SLC2A13: variants seen among roughly 807,000 people sequenced by gnomAD.
SLC2A13 encodes proton myo-inositol cotransporter.
In SLC2A13, 32 loss-of-function variants were observed where a neutral mutation model predicts 64.4. That is an observed-to-expected ratio of 0.50 (90% confidence interval 0.37 to 0.67). The LOEUF is 0.67. Ranked by LOEUF, SLC2A13 falls within the 30% of genes least tolerant of loss-of-function variation. The pLI is 0.00. For missense variants in SLC2A13, 743 were observed against 829.2 expected (o/e 0.90, Z 1.28); for synonymous variants, 338 against 327.1 (o/e 1.03, Z -0.36).
chr12:39,910,967 C>T (rs1216853123), intron 4 of SLC2A13, among the ~76,000 whole-genome samples: 1 of 151,932 alleles, frequency 6.6e-6, no homozygotes, highest in Non-Finnish European at 1.5e-5. Context: ...GCTTGTAATC[C>T]CAGCTATTCA....
At chr12:39,858,072 CAA>C (rs1345734376) in intron 6 of SLC2A13, among the ~76,000 whole-genome samples, 1 of 152,198 alleles carries the variant, frequency 6.6e-6, no homozygotes, top group Non-Finnish European at 1.5e-5. Context: ...ATGGCGAACT[CAA>C]AGAATATGTC....
chr12:39,794,449 T>C (rs1034917945), intron 7 of SLC2A13, among the ~76,000 whole-genome samples: 3 of 152,196 alleles, frequency 2.0e-5, no homozygotes, highest in Admixed American at 1.3e-4. Context: ...GGTTTCCCCA[T>C]ACATAATTAA....
chr12:40,100,179 G>T (rs1444903103), intron 1 of SLC2A13, among the ~76,000 whole-genome samples: 1 of 152,206 alleles, frequency 6.6e-6, no homozygotes. Context: ...GCTACAAATT[G>T]TGTTCAAGTA....
intron 3 of SLC2A13, among the ~76,000 whole-genome samples, chr12:39,965,989 C>T (rs1392038305): frequency 6.6e-6 from 1 of 151,848 alleles, no homozygotes; most frequent in Admixed American, 6.6e-5. Flanking sequence ...AATACTACAC[C>T]TATGGGATGC....
chr12:40,042,544 C>A (rs1044642337), intron 2 of SLC2A13, among the ~76,000 whole-genome samples: 4 of 152,006 alleles, frequency 2.6e-5, no homozygotes, highest in Admixed American at 1.3e-4. Flanking sequence ...TTTTATCTAT[C>A]TATGAAGTAT....
At chr12:39,859,330 T>C (rs1310843256) in intron 6 of SLC2A13, among the ~76,000 whole-genome samples, 1 of 110,144 alleles carries the variant, frequency 9.1e-6, no homozygotes, top group Non-Finnish European at 1.7e-5. Flanking sequence ...TTTTTTTTTT[T>C]CTGAAAAAAA....
chr12:39,916,118 T>C (rs773681004), intron 4 of SLC2A13, among the ~76,000 whole-genome samples: 2 of 151,922 alleles, frequency 1.3e-5, no homozygotes, highest in Non-Finnish European at 2.9e-5. Flanking sequence ...TTCAGAATGT[T>C]CCCAAATTGC....
rs1028066817 is a variant in SLC2A13 at position 39,757,890 on chromosome 12, G to A, written c.*2136C>T. The A allele has an allele frequency of 3.3e-5, 5 of 152,002 alleles. No homozygotes were observed. Among genetic ancestry groups the A allele is most frequent in the African/African-American group, 1.2e-4 (5 of 41,316 alleles). The allele number at this position is 152,002 out of a possible 1,614,324, so 9.4% of individuals were successfully genotyped here. A position where few individuals can be genotyped will look rare whatever the true frequency, so the allele number is the denominator to read the frequency against. On this transcript the variant is annotated 3_prime_UTR_variant, in exon 10 of 10. Transcript: ENST00000280871. ...ATATACAATAAAGAGAAGGATTGAG[G>A]CAATTATTTTGATTAAGTCCAAAAA...
rs1448667414 is a variant in SLC2A13, at chr12:39,810,393, CATTT to C, written c.1445+19706_1445+19709del. Among the ~76,000 whole-genome samples the C allele has an allele frequency of 5.3e-5, 8 of 152,148 alleles. No homozygotes were observed. In the South Asian group the frequency reaches 1.0e-3, roughly 20 times the overall value. The stretch of plus-strand genomic sequence containing the variant: ...ACCTTTTTTGAGACTTTGTTACATT[CATTT>C]ATTTATTCTCATAGCATTTTATAAA... On this transcript the variant is annotated intron_variant, in intron 7 of 9. Coordinates refer to ENST00000280871, the MANE Select transcript of SLC2A13 (RefSeq NM_052885.4).
intron 3 of SLC2A13, among the ~76,000 whole-genome samples, chr12:40,017,496 A>G (rs780912850): frequency 2.6e-5 from 4 of 152,194 alleles, no homozygotes; most frequent in Non-Finnish European, 5.9e-5. Context: ...GAATAAAACC[A>G]TCTCCTTAAT....
At chr12:39,794,698 T>C (rs1213979122) in intron 7 of SLC2A13, among the ~76,000 whole-genome samples, 1 of 152,224 alleles carries the variant, frequency 6.6e-6, no homozygotes, top group Non-Finnish European at 1.5e-5. Flanking sequence ...TCCAACCATG[T>C]GGCAGCCTGG....
chr12:39,868,367 TAC>T (rs757256509), intron 5 of SLC2A13, among the ~76,000 whole-genome samples: 1 of 152,194 alleles, frequency 6.6e-6, no homozygotes, highest in Non-Finnish European at 1.5e-5. Flanking sequence ...CAGTACCAGG[TAC>T]AGTGTTTGGC....
At chr12:39,956,982 T>C (rs1000086472) in intron 3 of SLC2A13, among the ~76,000 whole-genome samples, 1 of 152,154 alleles carries the variant, frequency 6.6e-6, no homozygotes, top group African/African-American at 2.4e-5. Context: ...GGCCCTATAA[T>C]TGGGCTACAA....
At chr12:39,828,408 A>G (rs1173139309) in intron 7 of SLC2A13, among the ~76,000 whole-genome samples, 3 of 152,112 alleles carry the variant, frequency 2.0e-5, no homozygotes, top group Non-Finnish European at 4.4e-5. Flanking sequence ...ATGGTATAAA[A>G]ATACAAATAA....
intron 7 of SLC2A13, among the ~76,000 whole-genome samples, chr12:39,784,682 A>G (rs1461933907): frequency 1.3e-5 from 2 of 152,252 alleles, no homozygotes; most frequent in Non-Finnish European, 2.9e-5. Context: ...CTTCATGACT[A>G]AAACACCAAA....
chr12:40,091,151 T>C (rs1008420759), intron 1 of SLC2A13, among the ~76,000 whole-genome samples: 1 of 152,098 alleles, frequency 6.6e-6, no homozygotes, highest in Admixed American at 6.6e-5. Context: ...TGGCTAAACA[T>C]AGAAAAGGTA....
intron 7 of SLC2A13, among the ~76,000 whole-genome samples, chr12:39,807,470 A>G (rs919034516): frequency 5.9e-5 from 9 of 152,170 alleles, no homozygotes; most frequent in African/African-American, 1.9e-4. Context: ...GGATCTCTAC[A>G]TTATTTCTTA....
intron 7 of SLC2A13, among the ~76,000 whole-genome samples, chr12:39,790,050 C>T (rs1183838913): frequency 1.3e-5 from 2 of 150,828 alleles, no homozygotes; most frequent in Non-Finnish European, 2.9e-5. Context: ...TTATTTAACC[C>T]AATATATCCT....
chr12:39,776,768 A>C (rs1285731199), intron 7 of SLC2A13, among the ~76,000 whole-genome samples: 1 of 152,134 alleles, frequency 6.6e-6, no homozygotes, highest in Non-Finnish European at 1.5e-5. Flanking sequence ...ATGCACCTAT[A>C]TTGTAAAACT....
Sources: gnomAD v4.1 joint callset for allele counts (sites outside exome capture counted in the v4.1 genomes callset) on GRCh38, gnomAD v4.1.1 for gene constraint, MANE v1.5 for transcripts, NCBI Gene and HGNC (gene_info 2026-07-23, HGNC 2026-07-21) for gene names.